Variants in PRSS23 observed in about 807,000 individuals in gnomAD.
PRSS23 encodes protease, serine 23.
A neutral mutation model predicts 34.7 loss-of-function variants in PRSS23; 25 were observed. The ratio of observed to expected loss-of-function variants is 0.72; its 90% confidence interval spans 0.53 to 1.01. The LOEUF (loss-of-function observed/expected upper bound fraction) is 1.01, where lower values mean the gene tolerates loss of function less well. Among genes scored for constraint, PRSS23 ranks in the 50% least tolerant of loss-of-function variants. The pLI is 0.00. For missense variants in PRSS23, 445 were observed against 475.6 expected (o/e 0.94, Z 0.60); for synonymous variants, 176 against 186.6 (o/e 0.94, Z 0.46).
chr11:86,844,261 AG>A (rs947867462), intron 2 of PRSS23, among the ~76,000 whole-genome samples: 1 of 152,158 alleles, frequency 6.6e-6, no homozygotes, highest in Non-Finnish European at 1.5e-5. Context: ...GGGGCCTGTC[AG>A]GGGGTAGGCA....
upstream of PRSS23, among the ~76,000 whole-genome samples, chr11:86,796,121 A>G (rs2135589459): frequency 6.6e-6 from 1 of 152,324 alleles, no homozygotes; most frequent in East Asian, 1.9e-4. Flanking sequence ...AGCTGGAGTG[A>G]CATCAGAAAC....
intron 2 of PRSS23, among the ~76,000 whole-genome samples, chr11:86,855,192 T>C (rs1346733917): frequency 6.6e-6 from 1 of 150,380 alleles, no homozygotes; most frequent in Non-Finnish European, 1.5e-5. Flanking sequence ...AAATACAGCA[T>C]GATTTCGAGT....
chr11:86,820,521 G>A (rs570765535), intron 1 of PRSS23, among the ~76,000 whole-genome samples: 1 of 152,168 alleles, frequency 6.6e-6, no homozygotes, highest in South Asian at 2.1e-4. Context: ...GTTGCAGAAA[G>A]GTAAATCCTT....
At chr11:86,829,821 A>G (rs1948336259) in intron 2 of PRSS23, among the ~76,000 whole-genome samples, 1 of 152,246 alleles carries the variant, frequency 6.6e-6, no homozygotes, top group Admixed American at 6.5e-5. Context: ...TGAACCACGA[A>G]TGCTGCTGTC....
chr11:86,928,428 C>A (rs1282530264), intron 2 of PRSS23, among the ~76,000 whole-genome samples: 2 of 148,574 alleles, frequency 1.3e-5, no homozygotes, highest in African/African-American at 4.9e-5. Context: ...GTAATCCCAG[C>A]ACTTTGGGAG....
intron 2 of PRSS23, among the ~76,000 whole-genome samples, chr11:86,859,511 T>G (rs573852124): frequency 1.3e-5 from 2 of 150,172 alleles, no homozygotes; most frequent in East Asian, 4.0e-4. Context: ...AGGGGGAGAG[T>G]TGAAGATATT....
intron 2 of PRSS23, among the ~76,000 whole-genome samples, chr11:86,932,336 G>T (rs1387196861): frequency 3.9e-5 from 6 of 152,130 alleles, no homozygotes; most frequent in African/African-American, 1.4e-4. Flanking sequence ...TTATTTTTTT[G>T]TATAATTAGG....
intron 2 of PRSS23, among the ~76,000 whole-genome samples, chr11:86,866,081 G>A (rs1192881102): frequency 6.6e-6 from 1 of 152,126 alleles, no homozygotes; most frequent in Admixed American, 6.6e-5. Flanking sequence ...TTGGGCTGGG[G>A]TATTTCAAAG....
At chr11:86,863,206 T>C (rs1278757466) in intron 2 of PRSS23, among the ~76,000 whole-genome samples, 2 of 152,154 alleles carry the variant, frequency 1.3e-5, no homozygotes, top group African/African-American at 4.8e-5. Context: ...TAGGGAGACA[T>C]TACTCCTAAT....
chr11:86,808,548 A>G lies in PRSS23; in HGVS notation c.905A>G (p.Tyr302Cys), dbSNP rs780682141. 1.2e-6 allele frequency: 2 copies of G among 1,614,096 alleles called. No homozygotes were observed. Among genetic ancestry groups the G allele is most frequent in the Non-Finnish European group, 1.7e-6 (2 of 1,180,040 alleles). ...TTCTGTGACGTCAAAGACGAGACCT[A>G]TGACTTGCTCTACCAGCAATGCGAT... is the stretch of plus-strand genomic sequence containing the variant. ...YRFCDVKDET[Y>C]DLLYQQCDAQ... The change falls in exon 2 of 2, where the codon TAT (tyrosine) becomes TGT (cysteine). Residue 302 changes from tyrosine (Y) to cysteine (C), a missense_variant. Tyr to Cys is a radical substitution (Grantham distance 194). Coordinates refer to ENST00000280258, the MANE Select transcript of PRSS23 (RefSeq NM_007173.6).
chr11:86,821,613 C>A (rs1340212719), intron 1 of PRSS23: 4 of 1,601,292 alleles, frequency 2.5e-6, no homozygotes, highest in Non-Finnish European at 3.4e-6. Context: ...CTTAAATGTT[C>A]ATACTTCCAT....
chr11:86,844,411 TAA>T (rs11319772), intron 2 of PRSS23, among the ~76,000 whole-genome samples: 5 of 151,088 alleles, frequency 3.3e-5, no homozygotes, highest in South Asian at 2.1e-4. Flanking sequence ...TAAAGTATAA[TAA>T]AAAAAAAATG....
chr11:86,898,106 G>A (rs1407485677), intron 2 of PRSS23, among the ~76,000 whole-genome samples: 2 of 152,156 alleles, frequency 1.3e-5, no homozygotes, highest in Admixed American at 1.3e-4. Context: ...TTAATTGGAG[G>A]CTCATCTTAC....
chr11:86,835,875 G>A (rs570049532), intron 2 of PRSS23, among the ~76,000 whole-genome samples: 7 of 152,220 alleles, frequency 4.6e-5, no homozygotes, highest in Non-Finnish European at 1.0e-4. Context: ...AATCATCCAC[G>A]TACCGAAGGA....
Position 86,834,786 on chromosome 11 carries a change from A to G in PRSS23, c.206+11193A>G, listed in dbSNP as rs561984281. Reference sequence around the variant, plus strand: ...CTAGGTAAGCATACATAGAGTCTGTATATATATTTACCCTTTTTCCTTCTC... The same window carrying G: ...CTAGGTAAGCATACATAGAGTCTGTGTATATATTTACCCTTTTTCCTTCTC... On this transcript the variant is annotated intron_variant, in intron 2 of 2. Transcript: ENST00000533902. Among the ~76,000 whole-genome samples the G allele has an allele frequency of 7.2e-5, 11 of 152,196 alleles. No homozygotes were observed. In the South Asian group the frequency reaches 2.3e-3, roughly 32 times the overall value.
At chr11:86,910,342 C>T (rs1043992069) in intron 2 of PRSS23, 17 of 152,066 alleles carry the variant, frequency 1.1e-4, no homozygotes, top group African/African-American at 3.9e-4. Context: ...TGCACCTTCT[C>T]CAAATGACAA....
chr11:86,914,349 G>T (rs1287452346), intron 2 of PRSS23, among the ~76,000 whole-genome samples: 2 of 152,226 alleles, frequency 1.3e-5, no homozygotes, highest in Non-Finnish European at 2.9e-5. Context: ...TTTGCAATTG[G>T]AAAGTCACTG....
chr11:86,848,428 A>C (rs991519500), intron 2 of PRSS23, among the ~76,000 whole-genome samples: 1 of 152,240 alleles, frequency 6.6e-6, no homozygotes, highest in Non-Finnish European at 1.5e-5. Flanking sequence ...GACTCAGATC[A>C]TGGAGATTAG....
chr11:86,865,630 A>C (rs1488019695), intron 2 of PRSS23, among the ~76,000 whole-genome samples: 1 of 152,162 alleles, frequency 6.6e-6, no homozygotes, highest in Non-Finnish European at 1.5e-5. Flanking sequence ...TTTGATCATC[A>C]GTTAGCAGGT....
Sources: allele counts gnomAD v4.1 joint callset (sites outside exome capture counted in the v4.1 genomes callset), GRCh38; gene constraint gnomAD v4.1.1; transcripts MANE v1.5; gene names NCBI Gene and HGNC (gene_info 2026-07-23, HGNC 2026-07-21).